FAR1: variants seen among roughly 807,000 people sequenced by gnomAD.
The protein encoded by FAR1 is male sterility domain-containing protein 2.
A neutral mutation model predicts 61.1 loss-of-function variants in FAR1; 22 were observed. The ratio of observed to expected loss-of-function variants is 0.36; its 90% CI spans 0.26 to 0.51. The LOEUF (loss-of-function observed/expected upper bound fraction) is 0.51, where lower values mean the gene tolerates loss of function less well. Ranked by LOEUF, FAR1 falls within the 20% of genes least tolerant of loss-of-function variation. The pLI, the probability that FAR1 is intolerant of heterozygous loss-of-function variation, is 0.95. For missense variants in FAR1, 359 were observed against 626.9 expected, an observed-to-expected ratio of 0.57 and a Z score of 4.56; for synonymous variants, 206 against 209.7, an observed-to-expected ratio of 0.98 and a Z score of 0.15.
At chr11:13,707,537 A>G (rs1200478120) in intron 3 of FAR1, among the ~76,000 whole-genome samples, 2 of 152,322 alleles carry the variant, frequency 1.3e-5, no homozygotes, top group East Asian at 3.9e-4. Context: ...TGGCACATCC[A>G]TATTATGCAA....
intron 3 of FAR1, among the ~76,000 whole-genome samples, chr11:13,700,852 C>CCA (rs1565345642): frequency 6.6e-6 from 1 of 151,964 alleles, no homozygotes; most frequent in Non-Finnish European, 1.5e-5. Context: ...TACATCATAT[C>CCA]CATGTGAAAA....
At position 13,708,098 on chromosome 11, in the gene FAR1, T is replaced by G. The variant is rs767907829; in HGVS notation, c.545+19T>G. On this transcript the variant is annotated intron_variant, in intron 4 of 11. Transcript: ENST00000354817. ...CTTTAGAGTATGTTTGTTTGAAATT[T>G]ATATACATTTACTTTGATCCCAAAA... The G allele has an allele frequency of 2.0e-6, 3 of 1,537,416 alleles. No homozygotes were observed. Among genetic ancestry groups the G allele is most frequent in the South Asian group, 2.5e-5 (2 of 78,866 alleles).
At chr11:13,678,832 AT>A (rs1159595639) in intron 1 of FAR1, among the ~76,000 whole-genome samples, 6 of 152,170 alleles carry the variant, frequency 3.9e-5, no homozygotes, top group African/African-American at 1.4e-4. Context: ...TTTACCACAA[AT>A]GCTGCCTTGG....
At chr11:13,678,787 C>T (rs1848095040) in intron 1 of FAR1, among the ~76,000 whole-genome samples, 1 of 151,784 alleles carries the variant, frequency 6.6e-6, no homozygotes, top group African/African-American at 2.4e-5. Flanking sequence ...CATCTTTAAT[C>T]TGGTTGGGAT....
chr11:13,711,203 T>C, intron 5 of FAR1: 1 of 290,446 alleles, frequency 3.4e-6, no homozygotes, highest in South Asian at 4.2e-5. Flanking sequence ...CCTCTGTAGA[T>C]CACAAAGTAA....
intron 3 of FAR1, among the ~76,000 whole-genome samples, chr11:13,704,702 C>A (rs1437845105): frequency 6.6e-6 from 1 of 151,618 alleles, no homozygotes; most frequent in Non-Finnish European, 1.5e-5. Flanking sequence ...GTCATTGTTC[C>A]CTAAATATCT....
intron 4 of FAR1, among the ~76,000 whole-genome samples, chr11:13,709,454 A>G (rs1848474791): frequency 6.6e-6 from 1 of 152,148 alleles, no homozygotes; most frequent in Non-Finnish European, 1.5e-5. Flanking sequence ...ATATATACAA[A>G]CATTTGAGAA....
chr11:13,710,792 A>G lies in FAR1; in HGVS notation c.645A>G (p.Val215=). 6.2e-7 allele frequency: 1 copy of G among 1,613,258 alleles called. No homozygotes were observed. Among genetic ancestry groups the G allele is most frequent in the Non-Finnish European group, 8.5e-7 (1 of 1,179,540 alleles). Residue 215 remains valine (V), a synonymous_variant, in exon 5 of 12, where the codon GTA becomes GTG. Coordinates refer to ENST00000354817, the MANE Select transcript of FAR1 (RefSeq NM_032228.6). The stretch of plus-strand genomic sequence containing the variant: ...CAAAAGCATTGGCAGAATATGTTGT[A>G]CAACAAGAAGGAGCAAAACTAAATG... ...IYTKALAEYV[V]QQEGAKLNVA...
chr11:13,723,820 G>A (rs1235867184), intron 10 of FAR1, among the ~76,000 whole-genome samples: 2 of 152,028 alleles, frequency 1.3e-5, no homozygotes, highest in Non-Finnish European at 1.5e-5. Context: ...CTATCCAATT[G>A]AATTTAGAGT....
At chr11:13,686,084 A>G (rs149324818) in intron 1 of FAR1, among the ~76,000 whole-genome samples, 351 of 152,324 alleles carry the variant, frequency 2.3e-3, no homozygotes, top group African/African-American at 8.0e-3. Flanking sequence ...TGCCTTCTCT[A>G]AAAGTGGGAT....
chr11:13,698,593 G>A (rs899359720), intron 2 of FAR1, among the ~76,000 whole-genome samples: 1 of 152,118 alleles, frequency 6.6e-6, no homozygotes, highest in Admixed American at 6.5e-5. Flanking sequence ...CGCTTTGGGA[G>A]GTCAAGGTGG....
Position 13,732,087 on chromosome 11 carries a change from G to A in FAR1, c.*3313G>A, listed in dbSNP as rs1848733027. 6.6e-6 allele frequency: 1 copy of A among 151,522 alleles called. No individual in the cohort carries two copies. Among genetic ancestry groups the A allele is most frequent in the African/African-American group, 2.4e-5 (1 of 41,134 alleles). The allele number at this position is 151,522 out of a possible 1,614,324, so 9.4% of individuals were successfully genotyped here. ...AACTAGAAAAAGGAATGTATGCCAC[G>A]TAACTGGATTACAGAAATGAGTTAA... On this transcript the variant is annotated 3_prime_UTR_variant, in exon 12 of 12. Coordinates refer to ENST00000354817, the MANE Select transcript of FAR1 (RefSeq NM_032228.6).
chr11:13,674,578 A>C (rs1185719313), intron 1 of FAR1, among the ~76,000 whole-genome samples: 1 of 152,174 alleles, frequency 6.6e-6, no homozygotes, highest in East Asian at 1.9e-4. Flanking sequence ...TGCATTTTAC[A>C]ATATTTTCTT....
At chr11:13,715,827 A>AT (rs1486107513) in intron 9 of FAR1, 1 of 152,122 alleles carries the variant, frequency 6.6e-6, no homozygotes, top group Non-Finnish European at 1.5e-5. Context: ...AGAGTTCAGG[A>AT]TTTGAGTATT....
In FAR1 at chr11:13,729,346, G is replaced by T. The variant is rs1009919124; in HGVS notation, c.*572G>T. On this transcript the variant is annotated 3_prime_UTR_variant, in exon 12 of 12. Coordinates refer to ENST00000354817, the MANE Select transcript of FAR1 (RefSeq NM_032228.6). ...GAGATGTTCTCATTTTTCTTTTTCT[G>T]ATTAAACGTCTGATGCATATCATTT... The T allele has an allele frequency of 6.6e-6, 1 of 151,522 alleles. No homozygotes were observed. Among genetic ancestry groups the T allele is most frequent in the Admixed American group, 6.6e-5 (1 of 15,178 alleles). The allele number at this position is 151,522 out of a possible 1,614,324, so 9.4% of individuals were successfully genotyped here. A position where few individuals can be genotyped will look rare whatever the true frequency, so the allele number is the denominator to read the frequency against.
chr11:13,724,748 T>G (rs1357030013), intron 10 of FAR1, among the ~76,000 whole-genome samples: 1 of 152,196 alleles, frequency 6.6e-6, no homozygotes, highest in East Asian at 1.9e-4. Context: ...GATATTACTT[T>G]CTGTTTTTTC....
At chr11:13,674,308 CAAAA>C (rs375685986) in intron 1 of FAR1, among the ~76,000 whole-genome samples, 2 of 69,414 alleles carry the variant, frequency 2.9e-5, no homozygotes, top group African/African-American at 5.4e-5. Flanking sequence ...GACTCCGTCT[CAAAA>C]AAAAAAAAAA....
intron 1 of FAR1, among the ~76,000 whole-genome samples, chr11:13,670,413 C>T (rs1158978787): frequency 1.3e-5 from 2 of 152,160 alleles, no homozygotes; most frequent in Non-Finnish European, 2.9e-5. Flanking sequence ...GCCTCAGCCT[C>T]TCGAGTAGTT....
chr11:13,675,103 TA>T (rs35580026), intron 1 of FAR1, among the ~76,000 whole-genome samples: 26,847 of 150,638 alleles, frequency 0.18, 2,588 homozygotes, highest in Non-Finnish European at 0.2. Context: ...ATAAGTATAA[TA>T]ATAGACATGT....
Sources: gnomAD v4.1 joint callset for allele counts (sites outside exome capture counted in the v4.1 genomes callset) on GRCh38, gnomAD v4.1.1 for gene constraint, MANE v1.5 for transcripts, NCBI Gene and HGNC (gene_info 2026-07-23, HGNC 2026-07-21) for gene names.